Variants in PCCA observed in about 807,000 individuals in gnomAD.
PCCA encodes propionyl-CoA carboxylase subunit alpha.
A neutral mutation model predicts 101.3 loss-of-function variants in PCCA; 74 were observed. The ratio of observed to expected loss-of-function variants is 0.73; its 90% CI spans 0.61 to 0.89. The LOEUF is 0.89. PCCA is among the 40% of genes least tolerant of loss of function. PCCA has a pLI of 0.00. For synonymous variants in PCCA, 294 were observed against 313.6 expected (o/e 0.94, Z 0.66); for missense variants, 891 against 907.0 (o/e 0.98, Z 0.23).
chr13:100,255,468 A>G (rs1205560605), intron 8 of PCCA, among the ~76,000 whole-genome samples: 1 of 152,164 alleles, frequency 6.6e-6, no homozygotes, highest in Non-Finnish European at 1.5e-5. Context: ...CAAATTTCCT[A>G]ATCGTCAGAG....
At chr13:100,416,552 T>A (rs2078378835) in intron 19 of PCCA, among the ~76,000 whole-genome samples, 1 of 149,708 alleles carries the variant, frequency 6.7e-6, no homozygotes, top group Non-Finnish European at 1.5e-5. Context: ...ATTTTTTTTT[T>A]TATGGAGTCT....
chr13:100,367,469 A>C (rs187196989), intron 18 of PCCA, among the ~76,000 whole-genome samples: 4 of 151,510 alleles, frequency 2.6e-5, no homozygotes, highest in African/African-American at 9.8e-5. Flanking sequence ...CTCATAAGTC[A>C]TTTAGGGTTT....
At chr13:100,171,401 A>G (rs1336056849) in intron 6 of PCCA, among the ~76,000 whole-genome samples, 2 of 152,176 alleles carry the variant, frequency 1.3e-5, no homozygotes, top group African/African-American at 2.4e-5. Context: ...TAGGGTGATG[A>G]CAGTCTTCTC....
chr13:100,127,833 A>C (rs1390592316), intron 4 of PCCA, among the ~76,000 whole-genome samples: 1 of 152,200 alleles, frequency 6.6e-6, no homozygotes, highest in African/African-American at 2.4e-5. Context: ...CAGAGCTTGC[A>C]CTGAGCCGAG....
chr13:100,505,771 G>A (rs1363821848), intron 21 of PCCA, among the ~76,000 whole-genome samples: 8 of 152,232 alleles, frequency 5.3e-5, no homozygotes, highest in Middle Eastern at 3.4e-3. Context: ...GGAGTCTGAC[G>A]TGGGAGGATC....
chr13:100,388,862 G>T (rs2076659725), intron 19 of PCCA, among the ~76,000 whole-genome samples: 1 of 152,174 alleles, frequency 6.6e-6, no homozygotes, highest in African/African-American at 2.4e-5. Flanking sequence ...CCTCAAAGTT[G>T]TTTATAAATA....
At chr13:100,276,805 C>T (rs1268464089) in intron 12 of PCCA, among the ~76,000 whole-genome samples, 1 of 151,856 alleles carries the variant, frequency 6.6e-6, no homozygotes. Context: ...TCAATTTTGA[C>T]TTTTATTTTT....
intron 6 of PCCA, among the ~76,000 whole-genome samples, chr13:100,166,725 A>G (rs2055077337): frequency 6.6e-6 from 1 of 152,136 alleles, no homozygotes; most frequent in South Asian, 2.1e-4. Context: ...CTACAACTAG[A>G]GGTGCTATGA....
chr13:100,172,331 GT>G (rs531726083), intron 6 of PCCA, among the ~76,000 whole-genome samples: 2 of 151,452 alleles, frequency 1.3e-5, no homozygotes, highest in South Asian at 2.1e-4. Context: ...TTTTTATTTA[GT>G]TTTTTTTAAA....
chr13:100,424,588 A>G (rs2079021104), intron 19 of PCCA, among the ~76,000 whole-genome samples: 2 of 152,240 alleles, frequency 1.3e-5, no homozygotes, highest in South Asian at 2.1e-4. Context: ...ACTGTGTCCC[A>G]GAAGCAGACC....
In PCCA at chr13:100,089,103, C is replaced by T; in HGVS notation, c.-18C>T. 4 of 1,470,314 alleles carry T rather than the reference C, an allele frequency of 2.7e-6. No individual in the cohort carries two copies. Among genetic ancestry groups the T allele is most frequent in the Non-Finnish European group, 3.6e-6 (4 of 1,105,054 alleles). 91.1% of individuals were successfully genotyped at this position (1,470,314 alleles called of 1,614,324 possible). On this transcript the variant is annotated 5_prime_UTR_variant, in exon 1 of 24. Transcript: ENST00000376285. ...GCTGTGTGAGAGGTCAGCAGAGGGGCGGTCTGCGGGGACAACAATGGCGGG... is the reference window on the plus strand; with the variant it reads ...GCTGTGTGAGAGGTCAGCAGAGGGGTGGTCTGCGGGGACAACAATGGCGGG...
chr13:100,409,591 G>T (rs1198362928), intron 19 of PCCA, among the ~76,000 whole-genome samples: 1 of 152,140 alleles, frequency 6.6e-6, no homozygotes, highest in Non-Finnish European at 1.5e-5. Flanking sequence ...GCACAGGCCA[G>T]TTGGAGTTTT....
Position 100,514,609 on chromosome 13 carries a change from C to T in PCCA, c.1900-818C>T, listed in dbSNP as rs889801379. Among the ~76,000 whole-genome samples the T allele has an allele frequency of 2.0e-5, 3 of 152,266 alleles. No individual in the cohort carries two copies. The South Asian group carries it at 6.2e-4, about 32-fold the overall frequency. On this transcript the variant is annotated intron_variant, in intron 21 of 23. Transcript: ENST00000376285. ...AAATTGTGGCTCATAGATTTATTCA[C>T]GGAGAGGATAGGAATTCTCTTTTTT... is the stretch of plus-strand genomic sequence containing the variant.
intron 12 of PCCA, among the ~76,000 whole-genome samples, chr13:100,280,100 T>C (rs1463107960): frequency 6.6e-6 from 1 of 151,726 alleles, no homozygotes; most frequent in Non-Finnish European, 1.5e-5. Flanking sequence ...AGTTTCTCCA[T>C]AAAGAGATGC....
Position 100,264,160 on chromosome 13 carries a change from G to A in PCCA, c.819+1329G>A, listed in dbSNP as rs201884315. On this transcript the variant is annotated intron_variant, in intron 10 of 23. Coordinates refer to ENST00000376285, the MANE Select transcript of PCCA (RefSeq NM_000282.4). ...GGTATCTGTATATCGTATATATATGGTATCTGTATATCGTATATATGTGAT... is the reference window on the plus strand; with the variant it reads ...GGTATCTGTATATCGTATATATATGATATCTGTATATCGTATATATGTGAT... Among the ~76,000 whole-genome samples the A allele has an allele frequency of 7.6e-4, 51 of 66,892 alleles. 1 individual carries two copies. The highest frequency in any genetic ancestry group is 9.9e-4 in the Non-Finnish European group (28 of 28,328). The allele number at this position is 66,892 out of a possible 152,430, so 43.9% of individuals were successfully genotyped here. A position where few individuals can be genotyped will look rare whatever the true frequency, so the allele number is the denominator to read the frequency against.
chr13:100,285,355 C>G lies in PCCA; in HGVS notation c.1065+12009C>G, dbSNP rs1041170750. Reference sequence around the variant, plus strand: ...TAAGCCTTCCCACAGTACAAAGCTTCTCTTTATACGTCACAGAGAGAGCCG... The same window carrying G: ...TAAGCCTTCCCACAGTACAAAGCTTGTCTTTATACGTCACAGAGAGAGCCG... On this transcript the variant is annotated intron_variant, in intron 12 of 23. Transcript: ENST00000376285. Among the ~76,000 whole-genome samples the G allele has an allele frequency of 7.9e-5, 12 of 152,174 alleles. 1 individual carries two copies. The highest frequency in any genetic ancestry group is 1.5e-5 in the Non-Finnish European group (1 of 68,034).
intron 21 of PCCA, among the ~76,000 whole-genome samples, chr13:100,511,968 C>T (rs750870722): frequency 6.6e-5 from 10 of 152,106 alleles, no homozygotes; most frequent in Non-Finnish European, 1.2e-4. Flanking sequence ...TCATTCTTTG[C>T]TGTCTTTGGG....
intron 12 of PCCA, among the ~76,000 whole-genome samples, chr13:100,273,648 A>G (rs1241284453): frequency 6.6e-6 from 1 of 152,150 alleles, no homozygotes; most frequent in Non-Finnish European, 1.5e-5. Flanking sequence ...AAGAAAAATT[A>G]CTCTAGATAT....
At chr13:100,126,348 A>C (rs2049953942) in intron 4 of PCCA, among the ~76,000 whole-genome samples, 1 of 151,992 alleles carries the variant, frequency 6.6e-6, no homozygotes, top group South Asian at 2.1e-4. Context: ...ATTCGTGTAA[A>C]TATTCTCTGG....
Sources: gnomAD v4.1 joint callset for allele counts (sites outside exome capture counted in the v4.1 genomes callset) on GRCh38, gnomAD v4.1.1 for gene constraint, MANE v1.5 for transcripts, NCBI Gene and HGNC (gene_info 2026-07-23, HGNC 2026-07-21) for gene names.